Variants in SORCS1 observed in about 807,000 individuals in gnomAD.
SORCS1 encodes the protein sortilin related VPS10 domain containing receptor 1.
SORCS1 carries 60 observed loss-of-function variants against 146.1 expected under a neutral mutation model. That is an observed-to-expected ratio of 0.41 (90% CI 0.33 to 0.51). The LOEUF (loss-of-function observed/expected upper bound fraction) is 0.51. Among genes scored for constraint, SORCS1 ranks in the 20% least tolerant of loss-of-function variants. The pLI is 0.21. For synonymous variants in SORCS1, 637 were observed against 584.0 expected (o/e 1.09, Z -1.31); for missense variants, 1,352 against 1,487.6 (o/e 0.91, Z 1.50).
chr10:106,893,261 C>A (rs984034961), intron 2 of SORCS1, among the ~76,000 whole-genome samples: 1 of 152,098 alleles, frequency 6.6e-6, no homozygotes, highest in Non-Finnish European at 1.5e-5. Context: ...GGCTTTTGGT[C>A]ACCTTCAATA....
At chr10:106,959,185 C>A (rs1955105227) in intron 1 of SORCS1, among the ~76,000 whole-genome samples, 1 of 152,180 alleles carries the variant, frequency 6.6e-6, no homozygotes, top group Non-Finnish European at 1.5e-5. Flanking sequence ...GTAGAAACCG[C>A]TCCCTGCCTC....
intron 24 of SORCS1, among the ~76,000 whole-genome samples, chr10:106,586,614 T>C (rs1428104724): frequency 1.3e-5 from 2 of 152,162 alleles, no homozygotes; most frequent in Admixed American, 6.5e-5. Context: ...CAGCCCCTTT[T>C]ACGGTCCCCC....
At chr10:106,773,534 T>C (rs1263815018) in intron 4 of SORCS1, among the ~76,000 whole-genome samples, 2 of 152,252 alleles carry the variant, frequency 1.3e-5, no homozygotes, top group East Asian at 3.8e-4. Flanking sequence ...CTTGTAGAGC[T>C]GGCTATCCAT....
At chr10:106,987,207 G>A (rs1360402916) in intron 1 of SORCS1, among the ~76,000 whole-genome samples, 2 of 152,092 alleles carry the variant, frequency 1.3e-5, no homozygotes, top group East Asian at 1.9e-4. Flanking sequence ...TTAGGCTTCT[G>A]GAAAATTCCT....
chr10:106,866,248 A>T (rs975202850), intron 2 of SORCS1, among the ~76,000 whole-genome samples: 2 of 152,116 alleles, frequency 1.3e-5, no homozygotes, highest in African/African-American at 4.8e-5. Flanking sequence ...TAAGTGCCTT[A>T]TCCACACCAC....
At chr10:106,619,238 T>C (rs1214227967) in intron 20 of SORCS1, among the ~76,000 whole-genome samples, 1 of 152,224 alleles carries the variant, frequency 6.6e-6, no homozygotes, top group African/African-American at 2.4e-5. Flanking sequence ...ATTCCTGCTC[T>C]TCCGCTATGG....
chr10:107,005,448 T>C (rs934846634), intron 1 of SORCS1, among the ~76,000 whole-genome samples: 2 of 152,160 alleles, frequency 1.3e-5, no homozygotes, highest in Non-Finnish European at 2.9e-5. Context: ...TATGAGAAAT[T>C]ATGGTTTTTT....
intron 5 of SORCS1, among the ~76,000 whole-genome samples, chr10:106,739,469 A>C (rs1857198131): frequency 6.7e-6 from 1 of 150,010 alleles, no homozygotes; most frequent in South Asian, 2.1e-4. Flanking sequence ...TGGGTGACAG[A>C]GAGAGAGAGA....
At chr10:106,725,160 A>T (rs1856058851) in intron 6 of SORCS1, among the ~76,000 whole-genome samples, 1 of 152,038 alleles carries the variant, frequency 6.6e-6, no homozygotes, top group Non-Finnish European at 1.5e-5. Flanking sequence ...AAAACAAAAC[A>T]AAATAAAAAC....
chr10:107,148,722 A>G (rs1968533545), intron 1 of SORCS1, among the ~76,000 whole-genome samples: 1 of 152,334 alleles, frequency 6.6e-6, no homozygotes, highest in Non-Finnish European at 1.5e-5. Flanking sequence ...TAAGGCAAAT[A>G]TAATTTTCCC....
intron 2 of SORCS1, among the ~76,000 whole-genome samples, chr10:106,908,657 T>C (rs73376975): frequency 6.7e-4 from 102 of 152,334 alleles, no homozygotes; most frequent in African/African-American, 2.4e-3. Flanking sequence ...CTGTCCATTC[T>C]TTCCCAAGAG....
intron 1 of SORCS1, among the ~76,000 whole-genome samples, chr10:107,123,416 C>T (rs1013052844): frequency 1.3e-5 from 2 of 152,088 alleles, no homozygotes; most frequent in African/African-American, 4.8e-5. Context: ...AATTACAGAA[C>T]CTTGCAGTGG....
intron 10 of SORCS1, among the ~76,000 whole-genome samples, chr10:106,685,958 A>C (rs957084286): frequency 2.6e-5 from 4 of 152,228 alleles, no homozygotes; most frequent in African/African-American, 9.6e-5. Flanking sequence ...TTCTAACTGC[A>C]AAGAGGCACA....
At chr10:106,774,063 C>A (rs1225745719) in intron 4 of SORCS1, among the ~76,000 whole-genome samples, 1 of 152,142 alleles carries the variant, frequency 6.6e-6, no homozygotes, top group African/African-American at 2.4e-5. Flanking sequence ...ATGTGTTAAC[C>A]TCTTAGATAT....
chr10:106,709,656 G>A (rs1051102693), intron 6 of SORCS1, among the ~76,000 whole-genome samples: 2 of 151,960 alleles, frequency 1.3e-5, no homozygotes, highest in Non-Finnish European at 2.9e-5. Flanking sequence ...CACCGTGTTA[G>A]CCAGGATGGT....
intron 16 of SORCS1, among the ~76,000 whole-genome samples, chr10:106,670,126 C>G (rs376424736): frequency 1.3e-5 from 2 of 151,958 alleles, no homozygotes; most frequent in African/African-American, 4.8e-5. Context: ...AACAAATAAA[C>G]GAATACATGA....
intron 5 of SORCS1, among the ~76,000 whole-genome samples, chr10:106,741,944 G>A (rs1183849350): frequency 3.3e-5 from 5 of 152,134 alleles, no homozygotes; most frequent in South Asian, 4.1e-4. Context: ...CCTTGTAGTC[G>A]CTTTTCCATA....
chr10:106,922,887 TTTTC>T (rs1395021896), intron 2 of SORCS1, among the ~76,000 whole-genome samples: 3 of 95,188 alleles, frequency 3.2e-5, no homozygotes, highest in Non-Finnish European at 6.3e-5. Context: ...CCATGCAGCC[TTTTC>T]TTTTTTTTTT....
In SORCS1 at chr10:106,761,628, G is replaced by T. The variant is rs780612546; in HGVS notation, c.919C>A (p.Gln307Lys). 3 of 1,614,026 alleles carry T rather than the reference G, an allele frequency of 1.9e-6. No individual in the cohort carries two copies. The highest frequency in any genetic ancestry group is 1.7e-6 in the Non-Finnish European group (2 of 1,180,002). The change falls in exon 5 of 26, where the codon CAG becomes AAG. Residue 307 changes from glutamine to lysine, a missense_variant. Transcript: ENST00000263054. ...GGTACAACCCCTTCTTGGATAAGCTGCCATCTTCTCCCAAATTCAGCAGAG... is the reference window on the plus strand; with the variant it reads ...GGTACAACCCCTTCTTGGATAAGCTTCCATCTTCTCCCAAATTCAGCAGAG... ...YSSAEFGRRW[Q>K]LIQEGVVPNR...
Sources: allele counts gnomAD v4.1 joint callset (sites outside exome capture counted in the v4.1 genomes callset), GRCh38; gene constraint gnomAD v4.1.1; transcripts MANE v1.5; gene names NCBI Gene and HGNC (gene_info 2026-07-23, HGNC 2026-07-21).